Variants in KIF6 observed in about 807,000 individuals in gnomAD.
The protein encoded by KIF6 is kinesin family member 6, also known as kinesin-like protein KIF6.
A neutral mutation model predicts 112.7 loss-of-function variants in KIF6; 106 were observed. The observed-to-expected ratio is 0.94, with a 90% CI of 0.80 to 1.11. The LOEUF (loss-of-function observed/expected upper bound fraction) is 1.11, where lower values mean the gene tolerates loss of function less well. Ranked by LOEUF, KIF6 falls within the 50% of genes least tolerant of loss-of-function variation. KIF6 has a pLI of 0.00. For missense variants in KIF6, 929 were observed against 964.0 expected, an observed-to-expected ratio of 0.96 and a Z score of 0.48; for synonymous variants, 339 against 339.9, an observed-to-expected ratio of 1.00 and a Z score of 0.03.
intron 15 of KIF6, among the ~76,000 whole-genome samples, chr6:39,391,044 C>T (rs1237973399): frequency 1.3e-5 from 2 of 152,184 alleles, no homozygotes; most frequent in Non-Finnish European, 2.9e-5. Flanking sequence ...TTTCATCAGG[C>T]TTTATCCAAA....
intron 14 of KIF6, among the ~76,000 whole-genome samples, chr6:39,426,404 C>T (rs6908926): frequency 6.6e-6 from 1 of 152,216 alleles, no homozygotes; most frequent in East Asian, 1.9e-4. Flanking sequence ...CTAGAAATTC[C>T]CCGTGAGAGC....
chr6:39,371,511 C>T (rs1164093009), intron 16 of KIF6, among the ~76,000 whole-genome samples: 7 of 152,106 alleles, frequency 4.6e-5, no homozygotes, highest in Non-Finnish European at 8.8e-5. Flanking sequence ...GGTCACAGCT[C>T]GTATCAGATG....
intron 13 of KIF6, among the ~76,000 whole-genome samples, chr6:39,508,677 T>C (rs1776589371): frequency 6.6e-6 from 1 of 152,106 alleles, no homozygotes. Context: ...CCGCCATTGA[T>C]GAGGCTTGAG....
intron 16 of KIF6, among the ~76,000 whole-genome samples, chr6:39,372,760 G>A (rs1766120015): frequency 6.6e-6 from 1 of 152,160 alleles, no homozygotes; most frequent in Non-Finnish European, 1.5e-5. Flanking sequence ...TCCTGGGCAG[G>A]CTCCTGGCTC....
At chr6:39,349,628 G>GTTTTTTTTTTTTTT (rs1764063802) in intron 19 of KIF6, among the ~76,000 whole-genome samples, 1 of 116,682 alleles carries the variant, frequency 8.6e-6, no homozygotes, top group African/African-American at 3.6e-5. Flanking sequence ...TTAATTTGTG[G>GTTTTTTTTTTTTTT]CTCTTTTTTT....
intron 13 of KIF6, among the ~76,000 whole-genome samples, chr6:39,494,343 C>T (rs1775646585): frequency 6.6e-6 from 1 of 152,188 alleles, no homozygotes. Flanking sequence ...GAAGTAGATA[C>T]ATCCTCTTCC....
chr6:39,464,017 G>C (rs1773640989), intron 13 of KIF6, among the ~76,000 whole-genome samples: 1 of 152,092 alleles, frequency 6.6e-6, no homozygotes, highest in Admixed American at 6.6e-5. Flanking sequence ...ATTACTTTGA[G>C]AGTTTGTGGC....
At chr6:39,498,854 A>G (rs1475094234) in intron 13 of KIF6, among the ~76,000 whole-genome samples, 1 of 152,240 alleles carries the variant, frequency 6.6e-6, no homozygotes, top group Non-Finnish European at 1.5e-5. Context: ...ACTGAAAGTG[A>G]ACCCCCCTTT....
At chr6:39,359,574 G>A (rs180742373) in intron 18 of KIF6, among the ~76,000 whole-genome samples, 2,624 of 151,424 alleles carry the variant, frequency 0.017, 73 homozygotes, top group African/African-American at 0.06. Context: ...GAACAGCTAT[G>A]TGATTTATTA....
intron 7 of KIF6, 86 bp downstream of exon 7, chr6:39,595,968 A>G (rs1440809923): frequency 9.6e-7 from 1 of 1,045,922 alleles, no homozygotes; most frequent in Non-Finnish European, 1.4e-6. Flanking sequence ...ATAATAAAAA[A>G]AATTCTAATA....
At chr6:39,418,789 G>A (rs1198483505) in intron 15 of KIF6, among the ~76,000 whole-genome samples, 1 of 152,158 alleles carries the variant, frequency 6.6e-6, no homozygotes, top group African/African-American at 2.4e-5. Flanking sequence ...TACCGACCGA[G>A]ACAAACTGAG....
In KIF6 at chr6:39,336,343, C is replaced by T; in HGVS notation, c.*189G>A. On this transcript the variant is annotated 3_prime_UTR_variant, in exon 23 of 23. Transcript: ENST00000287152. ...GGAAGGATGTTGTGGTCAGCCCCAGCCCCAGCCTCTCGGTGGCCTCCAGGT... is the reference window on the plus strand; with the variant it reads ...GGAAGGATGTTGTGGTCAGCCCCAGTCCCAGCCTCTCGGTGGCCTCCAGGT... 3.3e-6 allele frequency: 2 copies of T among 611,276 alleles called. No individual in the cohort carries two copies. Among genetic ancestry groups the T allele is most frequent in the Non-Finnish European group, 5.8e-6 (2 of 344,832 alleles). The allele number at this position is 611,276 out of a possible 1,614,324, so 37.9% of individuals were successfully genotyped here. A position where few individuals can be genotyped will look rare whatever the true frequency, so the allele number is the denominator to read the frequency against.
At chr6:39,361,676 G>A (rs926457436) in intron 17 of KIF6, among the ~76,000 whole-genome samples, 4 of 152,098 alleles carry the variant, frequency 2.6e-5, no homozygotes, top group Non-Finnish European at 5.9e-5. Flanking sequence ...AGCGACAGCA[G>A]CGTGTGTGCT....
chr6:39,431,824 C>T (rs567831050), intron 13 of KIF6, among the ~76,000 whole-genome samples: 1 of 152,214 alleles, frequency 6.6e-6, no homozygotes, highest in African/African-American at 2.4e-5. Context: ...CTTCTGGGAC[C>T]CACGGTCAGT....
At chr6:39,588,116 G>A (rs1392052425) in intron 7 of KIF6, among the ~76,000 whole-genome samples, 4 of 152,110 alleles carry the variant, frequency 2.6e-5, no homozygotes, top group Non-Finnish European at 5.9e-5. Context: ...TACAAACTTT[G>A]TAGTGCCCCG....
intron 13 of KIF6, among the ~76,000 whole-genome samples, chr6:39,523,149 G>C (rs1777494089): frequency 6.6e-6 from 1 of 152,024 alleles, no homozygotes; most frequent in Non-Finnish European, 1.5e-5. Flanking sequence ...TGTAATCCTA[G>C]GTTATTCATC....
At chr6:39,633,263 A>T (rs183342608) in intron 5 of KIF6, among the ~76,000 whole-genome samples, 2 of 152,230 alleles carry the variant, frequency 1.3e-5, no homozygotes, top group East Asian at 3.9e-4. Context: ...AATCTAATCG[A>T]CATGGTTTGG....
chr6:39,380,336 CA>C (rs1294694660), intron 16 of KIF6, among the ~76,000 whole-genome samples: 1 of 152,236 alleles, frequency 6.6e-6, no homozygotes, highest in Non-Finnish European at 1.5e-5. Flanking sequence ...AGGGAGCTCA[CA>C]AGGTACAATG....
intron 13 of KIF6, among the ~76,000 whole-genome samples, chr6:39,450,179 G>C (rs1772596622): frequency 6.6e-6 from 1 of 152,184 alleles, no homozygotes; most frequent in Admixed American, 6.5e-5. Flanking sequence ...AGAATCTTTG[G>C]AGACATCTAT....
Sources: allele counts gnomAD v4.1 joint callset (sites outside exome capture counted in the v4.1 genomes callset), GRCh38; gene constraint gnomAD v4.1.1; transcripts MANE v1.5; gene names NCBI Gene and HGNC (gene_info 2026-07-23, HGNC 2026-07-21).